The following TTI1 variants were observed in gnomAD, a reference collection of about 807,000 sequenced individuals.
TTI1 encodes TELO2 interacting protein 1.
A neutral mutation model predicts 85.4 loss-of-function variants in TTI1; 52 were observed. The observed-to-expected ratio is 0.61, with a 90% confidence interval of 0.49 to 0.77. The LOEUF (loss-of-function observed/expected upper bound fraction) is 0.77. Among genes scored for constraint, TTI1 ranks in the 30% least tolerant of loss-of-function variants. TTI1 has a pLI of 0.00. For synonymous variants in TTI1, 512 were observed against 503.9 expected, an observed-to-expected ratio of 1.02 and a Z score of -0.22; for missense variants, 1,173 against 1,296.0, an observed-to-expected ratio of 0.91 and a Z score of 1.46.
intron 2 of TTI1, among the ~76,000 whole-genome samples, chr20:38,008,886 C>T (rs543591765): frequency 6.6e-6 from 1 of 152,304 alleles, no homozygotes; most frequent in South Asian, 2.1e-4. Flanking sequence ...TAAAAGCTAG[C>T]TCTAAGTTTG....
intron 1 of TTI1, among the ~76,000 whole-genome samples, chr20:38,022,782 C>T (rs2073786986): frequency 1.3e-5 from 2 of 152,144 alleles, no homozygotes; most frequent in Admixed American, 1.3e-4. Flanking sequence ...TACATGCTTT[C>T]CCTTCTGAAG....
At chr20:37,985,956 T>C (rs942398488) in intron 7 of TTI1, among the ~76,000 whole-genome samples, 1 of 152,232 alleles carries the variant, frequency 6.6e-6, no homozygotes, top group Non-Finnish European at 1.5e-5. Context: ...TCGTTTCCAC[T>C]TCACCGCAGA....
chr20:37,994,002 G>A (rs141383166), intron 7 of TTI1, among the ~76,000 whole-genome samples: 217 of 152,316 alleles, frequency 1.4e-3, no homozygotes, highest in African/African-American at 5.1e-3. Flanking sequence ...AATTTTCCAA[G>A]TGAGGTAGGC....
chr20:38,022,482 G>A (rs995442491), intron 1 of TTI1, among the ~76,000 whole-genome samples: 1 of 152,174 alleles, frequency 6.6e-6, no homozygotes, highest in Non-Finnish European at 1.5e-5. Flanking sequence ...GCACACAGTA[G>A]GTATTCAATA....
Position 38,012,677 on chromosome 20 carries a change from G to A in TTI1, c.1140C>T (p.Ser380=), listed in dbSNP as rs2073617246. ...LADILSESLH[S]LATSLPRLMN... ...TTAGGCGAGGAAGAGATGTGGCAAG[G>A]GAATGCAGGCTTTCTGACAAGATGT... The change falls in exon 2 of 8, where the codon TCC becomes TCT. Residue 380 remains serine, a synonymous_variant. Transcript: ENST00000373447. The A allele has an allele frequency of 1.2e-6, 2 of 1,614,236 alleles. No homozygotes were observed. The highest frequency in any genetic ancestry group is 2.7e-5 in the African/African-American group (2 of 75,052).
rs140453382 is a variant in TTI1 at position 38,012,573 on chromosome 20, A to G, written c.1244T>C (p.Ile415Thr). The change falls in exon 2 of 8, where the codon ATA (isoleucine) becomes ACA (threonine). Residue 415 changes from isoleucine to threonine, a missense_variant. Coordinates refer to ENST00000373447, the MANE Select transcript of TTI1 (RefSeq NM_001303457.2). ...GGCCACAGAGTTGAGGACAAAGTTT[A>G]TTTTTGGGCCCAAGAGTTTCAGATA... ...LGYLKLLGPK[I>T]NFVLNSVAHL... The G allele has an allele frequency of 2.1e-3, 3,431 of 1,614,164 alleles. 8 individuals are homozygous for G. The highest frequency in any genetic ancestry group is 2.5e-3 in the Non-Finnish European group (2,919 of 1,180,038).
At chr20:38,026,713 T>C (rs1334273572) in intron 1 of TTI1, among the ~76,000 whole-genome samples, 1 of 152,000 alleles carries the variant, frequency 6.6e-6, no homozygotes, top group Non-Finnish European at 1.5e-5. Context: ...TGATAAGAAA[T>C]CCTGGAACAT....
intron 1 of TTI1, among the ~76,000 whole-genome samples, chr20:38,020,323 A>AATATATATATATAT (rs1159604655): frequency 2.2e-3 from 111 of 50,314 alleles, no homozygotes; most frequent in South Asian, 6.5e-3. Flanking sequence ...AAAAAAAAAA[A>AATATATATATATAT]ATATATATAT....
chr20:37,989,612 G>C (rs1031133817), intron 7 of TTI1, among the ~76,000 whole-genome samples: 3 of 152,206 alleles, frequency 2.0e-5, no homozygotes, highest in African/African-American at 7.2e-5. Context: ...AGTGTATTGG[G>C]CACAGATTTC....
chr20:37,988,961 A>G (rs1372829744), intron 7 of TTI1, among the ~76,000 whole-genome samples: 1 of 152,166 alleles, frequency 6.6e-6, no homozygotes, highest in Non-Finnish European at 1.5e-5. Context: ...ATGGATGCTC[A>G]GGGTGTTGAT....
At chr20:38,022,096 GAA>G (rs1227871916) in intron 1 of TTI1, among the ~76,000 whole-genome samples, 1 of 152,328 alleles carries the variant, frequency 6.6e-6, no homozygotes, top group African/African-American at 2.4e-5. Context: ...CCAGAAGGGA[GAA>G]AAGTCATAGC....
At position 37,983,743 on chromosome 20, in the gene TTI1, C is replaced by A. The variant is rs559572574; in HGVS notation, c.3087-104G>T. Reference sequence around the variant, plus strand: ...GTTTACCAGGCTATTTGAGAAGAAACTGATAACAATATCAAGTCACTTCAA... The same window carrying A: ...GTTTACCAGGCTATTTGAGAAGAAAATGATAACAATATCAAGTCACTTCAA... On this transcript the variant is annotated intron_variant, in intron 7 of 7. Transcript: ENST00000373447. The A allele has an allele frequency of 4.6e-6, 5 of 1,087,402 alleles. No individual in the cohort carries two copies. The South Asian group carries it at 1.2e-4, about 26-fold the overall frequency. 67.4% of individuals were successfully genotyped at this position (1,087,402 alleles called of 1,614,324 possible).
chr20:38,028,503 T>C (rs2073863608), intron 1 of TTI1, among the ~76,000 whole-genome samples: 1 of 152,162 alleles, frequency 6.6e-6, no homozygotes, highest in Admixed American at 6.5e-5. Context: ...TGCTGTAAAA[T>C]GTGTGAAACA....
At chr20:38,019,144 TC>T (rs2122621501) in intron 1 of TTI1, 2 of 144,814 alleles carry the variant, frequency 1.4e-5, no homozygotes, top group African/African-American at 5.2e-5. Context: ...AGTGAGCAGG[TC>T]TAAAAAAAAA....
intron 1 of TTI1, among the ~76,000 whole-genome samples, chr20:38,021,440 T>C (rs575949909): frequency 5.9e-5 from 9 of 152,302 alleles, no homozygotes; most frequent in Non-Finnish European, 1.0e-4. Flanking sequence ...CTTAGAGTGG[T>C]GCTGCACCAA....
In TTI1 at chr20:38,002,646, A is replaced by G. The variant is rs2073441690; in HGVS notation, c.2634T>C (p.Asn878=). ...ERCIHLLSDK[N]LQIRLKVLDV... is the part of the protein sequence containing the mutation. ...CACTGACCTTCAGGCGGATTTGCAG[A>G]TTTTTATCTGACAACAAGTGGATGC... The change falls in exon 4 of 8, where the codon AAT becomes AAC. Residue 878 remains asparagine (N), a synonymous_variant. Transcript: ENST00000373447. 6.2e-7 allele frequency: 1 copy of G among 1,614,206 alleles called. No individual in the cohort carries two copies. Among genetic ancestry groups the G allele is most frequent in the Non-Finnish European group, 8.5e-7 (1 of 1,180,038 alleles).
intron 1 of TTI1, among the ~76,000 whole-genome samples, chr20:38,018,593 C>T (rs1386663957): frequency 6.6e-6 from 1 of 152,080 alleles, no homozygotes; most frequent in Non-Finnish European, 1.5e-5. Context: ...AACTCAGCAA[C>T]CCAATTATTT....
Position 38,013,112 on chromosome 20 carries a change from G to A in TTI1, c.705C>T (p.Ser235=). 1 of 1,614,030 alleles carries A rather than the reference G, an allele frequency of 6.2e-7. No homozygotes were observed. The highest frequency in any genetic ancestry group is 8.5e-7 in the Non-Finnish European group (1 of 1,180,036). Residue 235 remains serine, a synonymous_variant, in exon 2 of 8, where the codon TCC becomes TCT. Transcript: ENST00000373447. ...TCACTGTCTTGTAAAAGATCTTTAG[G>A]GAAGATACGACAATGCTGTGACCTT... ...FKQGHSIVVS[S]LKIFYKTVSF...
intron 7 of TTI1, among the ~76,000 whole-genome samples, chr20:37,990,706 T>C (rs557252083): frequency 1.3e-5 from 2 of 152,292 alleles, no homozygotes; most frequent in East Asian, 3.9e-4. Context: ...AGGAAATGAC[T>C]ACCCTGTGGT....
Sources: gnomAD v4.1 joint callset for allele counts (sites outside exome capture counted in the v4.1 genomes callset) on GRCh38, gnomAD v4.1.1 for gene constraint, MANE v1.5 for transcripts, NCBI Gene and HGNC (gene_info 2026-07-23, HGNC 2026-07-21) for gene names.